FSCB: variants seen among roughly 807,000 people sequenced by gnomAD.
The protein encoded by FSCB is fibrous sheath CABYR-binding protein.
For synonymous variants in FSCB, 331 were observed against 336.6 expected, an observed-to-expected ratio of 0.98 and a Z score of 0.18; for missense variants, 975 against 934.8, an observed-to-expected ratio of 1.04 and a Z score of -0.56.
At position 44,505,966 on chromosome 14, in the gene FSCB, G is replaced by T; in HGVS notation, c.1022C>A (p.Ser341Tyr). The T allele has an allele frequency of 6.2e-7, 1 of 1,613,924 alleles. No homozygotes were observed. Among genetic ancestry groups the T allele is most frequent in the Non-Finnish European group, 8.5e-7 (1 of 1,179,826 alleles). The part of the protein sequence containing the change: ...AEIQPPSAEE[S>Y]PSVELLAEIL... Reference sequence around the variant, plus strand: ...TTCAGCCAGAAGCTCTACAGAAGGAGACTCTTCAGCTGATGGAGGCTGAAT... The same window carrying T: ...TTCAGCCAGAAGCTCTACAGAAGGATACTCTTCAGCTGATGGAGGCTGAAT... Residue 341 changes from serine (S) to tyrosine (Y), a missense_variant, in exon 1 of 1, where the codon TCT becomes TAT. Physicochemically the swap from Ser to Tyr is moderately radical, Grantham distance 144. Transcript: ENST00000340446.
rs374018207 is a variant in FSCB at position 44,506,677 on chromosome 14, G to A, written c.311C>T (p.Ala104Val). The change falls in exon 1 of 1, where the codon GCT becomes GTT. Residue 104 changes from alanine (A) to valine (V), a missense_variant. By Grantham distance (64) the Ala-to-Val change is moderately conservative (BLOSUM62 0). Transcript: ENST00000340446. ...PEEKSADVRE[A>V]AIELPESVQD... ...AACACTCTCTGGCAATTCAATAGCA[G>A]CTTCTCTAACATCAGCTGACTTTTC... 4.1e-5 allele frequency: 66 copies of A among 1,613,986 alleles called. No homozygotes were observed. Among genetic ancestry groups the A allele is most frequent in the South Asian group, 4.1e-4 (37 of 91,082 alleles).
rs1881064289 is a variant in FSCB, at chr14:44,505,867, T to C, written c.1121A>G (p.Lys374Arg). Residue 374 changes from lysine to arginine, a missense_variant, in exon 1 of 1, where the codon AAG becomes AGG. Physicochemically the swap from Lys to Arg is conservative, Grantham distance 26. Transcript: ENST00000340446. ...ACCAAGAAGCTCTACTGAAGGAGAC[T>C]TTTCAGCTGGTGGAGGCAGAATTTC... ...PAEILPPPAE[K>R]SPSVELLGEI... is the part of the protein sequence containing the mutation. 1 of 1,613,966 alleles carries C rather than the reference T, an allele frequency of 6.2e-7. No homozygotes were observed. The highest frequency in any genetic ancestry group is 8.5e-7 in the Non-Finnish European group (1 of 1,179,962).
At position 44,505,218 on chromosome 14, in the gene FSCB, A is replaced by G; in HGVS notation, c.1770T>C (p.Ser590=). 6.2e-7 allele frequency: 1 copy of G among 1,612,942 alleles called. No homozygotes were observed. Among genetic ancestry groups the G allele is most frequent in the Non-Finnish European group, 8.5e-7 (1 of 1,179,840 alleles). The change falls in exon 1 of 1, where the codon TCT becomes TCC. Residue 590 remains serine, a synonymous_variant. Transcript: ENST00000340446. ...SGEETTAEEA[S]AAIQLLAATE... The stretch of plus-strand genomic sequence containing the variant: ...TAGCTGCTAGAAGCTGAATTGCAGC[A>G]GAGGCCTCTTCTGCAGTGGTCTCTT...
In FSCB at chr14:44,504,497, A is replaced by G; in HGVS notation, c.*13T>C. On this transcript the variant is annotated 3_prime_UTR_variant, in exon 1 of 1. Coordinates refer to ENST00000340446, the MANE Select transcript of FSCB (RefSeq NM_032135.4). ...CCATGTAGCTTCTGATTGCTAGCTT[A>G]GGTACAACCTGACTACAGTTCAGGA... The G allele has an allele frequency of 6.4e-7, 1 of 1,558,978 alleles. No individual in the cohort carries two copies. The highest frequency in any genetic ancestry group is 1.2e-5 in the South Asian group (1 of 82,348).
rs1404333084 is a variant in FSCB at position 44,506,708 on chromosome 14, G to A, written c.280C>T (p.Pro94Ser). 1.1e-5 allele frequency: 18 copies of A among 1,614,000 alleles called. No homozygotes were observed. The highest frequency in any genetic ancestry group is 1.5e-5 in the Non-Finnish European group (18 of 1,180,044). Reference protein sequence around the residue: ...EVKLVEETVVPEEKSADVREA... With the variant: ...EVKLVEETVVSEEKSADVREA... ...CTAACATCAGCTGACTTTTCTTCAG[G>A]TACCACGGTTTCCTCAACTAACTTG... Residue 94 changes from proline (P) to serine (S), a missense_variant, in exon 1 of 1, where the codon CCT becomes TCT. Transcript: ENST00000340446.
Position 44,504,583 on chromosome 14 carries a change from T to G in FSCB, c.2405A>C (p.Asp802Ala). The G allele has an allele frequency of 6.2e-7, 1 of 1,614,108 alleles. No homozygotes were observed. Among genetic ancestry groups the G allele is most frequent in the South Asian group, 1.1e-5 (1 of 91,066 alleles). Reference protein sequence around the residue: ...SVLKDLSNTNDGQAPTLEIES... With the variant: ...SVLKDLSNTNAGQAPTLEIES... ...TATTTCAAGAGTGGGAGCCTGTCCA[T>G]CATTGGTATTAGACAAATCTTTAAG... Residue 802 changes from aspartate (D) to alanine (A), a missense_variant, in exon 1 of 1, where the codon GAT becomes GCT. Coordinates refer to ENST00000340446, the MANE Select transcript of FSCB (RefSeq NM_032135.4).
In FSCB at chr14:44,506,721, C is replaced by T; in HGVS notation, c.267G>A (p.Glu89=). Residue 89 remains glutamate (E), a synonymous_variant, in exon 1 of 1, where the codon GAG becomes GAA. Transcript: ENST00000340446. ...VEEKKEVKLV[E]ETVVPEEKSA... is the part of the protein sequence containing the mutation. Reference sequence around the variant, plus strand: ...ACTTTTCTTCAGGTACCACGGTTTCCTCAACTAACTTGACTTCTTTTTTCT... The same window carrying T: ...ACTTTTCTTCAGGTACCACGGTTTCTTCAACTAACTTGACTTCTTTTTTCT... 2 of 1,614,178 alleles carry T rather than the reference C, an allele frequency of 1.2e-6. No homozygotes were observed. The highest frequency in any genetic ancestry group is 1.7e-6 in the Non-Finnish European group (2 of 1,180,038).
rs1566598200 is a variant in FSCB, at chr14:44,505,066, T to C, written c.1922A>G (p.Glu641Gly). 2 of 558,538 alleles carry C rather than the reference T, an allele frequency of 3.6e-6. No individual in the cohort carries two copies. Among genetic ancestry groups the C allele is most frequent in the South Asian group, 4.2e-5 (2 of 47,066 alleles). 34.6% of individuals were successfully genotyped at this position (558,538 alleles called of 1,614,324 possible). A position where few individuals can be genotyped will look rare whatever the true frequency, so the allele number is the denominator to read the frequency against. ...PAEVQPPPAE[E>G]APAEVQPPPA... ...TGGAGGCTGAACTTCAGCGGGGGCC[T>C]CCTCAGCTGGTGGAGGCTGAACTTC... is the stretch of plus-strand genomic sequence containing the variant. The change falls in exon 1 of 1, where the codon GAG becomes GGG. Residue 641 changes from glutamate to glycine, a missense_variant. Physicochemically the swap from Glu to Gly is moderately conservative, Grantham distance 98 (BLOSUM62 -2). Coordinates refer to ENST00000340446, the MANE Select transcript of FSCB (RefSeq NM_032135.4).
Position 44,504,655 on chromosome 14 carries a change from A to C in FSCB, c.2333T>G (p.Leu778Trp), listed in dbSNP as rs758821418. The change falls in exon 1 of 1, where the codon TTG becomes TGG. Residue 778 changes from leucine to tryptophan, a missense_variant. Leu to Trp is a moderately conservative substitution (Grantham distance 61). Coordinates refer to ENST00000340446, the MANE Select transcript of FSCB (RefSeq NM_032135.4). The part of the protein sequence containing the change: ...IPAVKLGSVV[L>W]EGEAKFEEVS... ...CTCTTCAAATTTTGCTTCACCTTCCAAAACAACCGATCCTAATTTTACTGC... is the reference window on the plus strand; with the variant it reads ...CTCTTCAAATTTTGCTTCACCTTCCCAAACAACCGATCCTAATTTTACTGC... 6.2e-7 allele frequency: 1 copy of C among 1,614,190 alleles called. No homozygotes were observed. The highest frequency in any genetic ancestry group is 8.5e-7 in the Non-Finnish European group (1 of 1,180,042).
chr14:44,506,769 G>A lies in FSCB; in HGVS notation c.219C>T (p.Leu73=). 2 of 1,614,030 alleles carry A rather than the reference G, an allele frequency of 1.2e-6. No homozygotes were observed. Among genetic ancestry groups the A allele is most frequent in the Non-Finnish European group, 1.7e-6 (2 of 1,180,002 alleles). The part of the protein sequence containing the change: ...KHGQEMTSKS[L]QTDTIVEEKK... ...TCTCTTCTACAATGGTGTCTGTCTGGAGAGACTTACTAGTCATTTCCTGTC... is the reference window on the plus strand; with the variant it reads ...TCTCTTCTACAATGGTGTCTGTCTGAAGAGACTTACTAGTCATTTCCTGTC... Residue 73 remains leucine (L), a synonymous_variant, in exon 1 of 1, where the codon CTC becomes CTT. Coordinates refer to ENST00000340446, the MANE Select transcript of FSCB (RefSeq NM_032135.4).
Position 44,504,688 on chromosome 14 carries a change from C to A in FSCB, c.2300G>T (p.Gly767Val). ...CGATCCTAATTTTACTGCTGGAATTCCTGCCACCTGCGGTGACTGAAATTC... is the reference window on the plus strand; with the variant it reads ...CGATCCTAATTTTACTGCTGGAATTACTGCCACCTGCGGTGACTGAAATTC... ...STEFQSPQVA[G>V]IPAVKLGSVV... Residue 767 changes from glycine (G) to valine (V), a missense_variant, in exon 1 of 1, where the codon GGA becomes GTA. Transcript: ENST00000340446. 1 of 1,614,132 alleles carries A rather than the reference C, an allele frequency of 6.2e-7. No homozygotes were observed. The highest frequency in any genetic ancestry group is 8.5e-7 in the Non-Finnish European group (1 of 1,180,034).
rs532380844 is a variant in FSCB at position 44,506,483 on chromosome 14, T to C, written c.505A>G (p.Arg169Gly). The C allele has an allele frequency of 5.1e-5, 82 of 1,614,230 alleles. No individual in the cohort carries two copies. Among genetic ancestry groups the C allele is most frequent in the Middle Eastern group, 4.9e-4 (3 of 6,062 alleles). The change falls in exon 1 of 1, where the codon AGG becomes GGG. Residue 169 changes from arginine (R) to glycine (G), a missense_variant. By Grantham distance (125) the Arg-to-Gly change is moderately radical. Transcript: ENST00000340446. ...GACTTTGTAGAAGAACTATCTGGCC[T>C]GGAAATAACCACTATTTCTGATTCA... ...FSESEIVVIS[R>G]PDSSSTKSKE...
chr14:44,506,511 A>G lies in FSCB; in HGVS notation c.477T>C (p.Phe159=), dbSNP rs1224245238. ...AAATAACCACTATTTCTGATTCACT[A>G]AAGTATGTCTGTTGTTCCTTGTCCA... The part of the protein sequence containing the change: ...EKVDKEQQTY[F]SESEIVVISR... The change falls in exon 1 of 1, where the codon TTT becomes TTC. Residue 159 remains phenylalanine (F), a synonymous_variant. Coordinates refer to ENST00000340446, the MANE Select transcript of FSCB (RefSeq NM_032135.4). The G allele has an allele frequency of 1.2e-6, 2 of 1,614,176 alleles. No homozygotes were observed. Among genetic ancestry groups the G allele is most frequent in the South Asian group, 1.1e-5 (1 of 91,084 alleles).
At position 44,507,005 on chromosome 14, in the gene FSCB, T is replaced by C. The variant is rs774252014; in HGVS notation, c.-18A>G. ...CCTACCATTGGTTTGCTGGGTCATCTTCTCTTTCGAATTTCTTGCCTACAC... is the reference window on the plus strand; with the variant it reads ...CCTACCATTGGTTTGCTGGGTCATCCTCTCTTTCGAATTTCTTGCCTACAC... On this transcript the variant is annotated 5_prime_UTR_variant, in exon 1 of 1. Coordinates refer to ENST00000340446, the MANE Select transcript of FSCB (RefSeq NM_032135.4). The C allele has an allele frequency of 1.3e-5, 20 of 1,545,912 alleles. No homozygotes were observed. The highest frequency in any genetic ancestry group is 1.7e-5 in the Non-Finnish European group (20 of 1,143,428).
rs1385348438 is a variant in FSCB at position 44,505,786 on chromosome 14, G to T, written c.1202C>A (p.Ala401Asp). The change falls in exon 1 of 1, where the codon GCT (alanine) becomes GAT (aspartate). Residue 401 changes from alanine to aspartate, a missense_variant. Transcript: ENST00000340446. ...TGGGGCCTCTTCAAGGGCGCCCTCA[G>T]CTGGTAAAGGCTGTACTTCAATGGG... The part of the protein sequence containing the change: ...KAPIEVQPLP[A>D]EGALEEAPAK... 2.5e-6 allele frequency: 4 copies of T among 1,613,918 alleles called. No individual in the cohort carries two copies. The highest frequency in any genetic ancestry group is 3.4e-6 in the Non-Finnish European group (4 of 1,180,002).
chr14:44,504,527 G>T lies in FSCB; in HGVS notation c.2461C>A (p.Arg821Ser), dbSNP rs148995244. The T allele has an allele frequency of 6.2e-7, 1 of 1,608,290 alleles. No homozygotes were observed. The highest frequency in any genetic ancestry group is 1.7e-5 in the Admixed American group (1 of 59,412). The change falls in exon 1 of 1, where the codon CGT becomes AGT. Residue 821 changes from arginine (R) to serine (S), a missense_variant. Coordinates refer to ENST00000340446, the MANE Select transcript of FSCB (RefSeq NM_032135.4). ...ESVFHIELKQ[R>S]PPEL ...CAACCTGACTACAGTTCAGGAGGAC[G>T]TTGTTTTAATTCTATATGAAAAACA... is the stretch of plus-strand genomic sequence containing the variant.
rs201017166 is a variant in FSCB, at chr14:44,504,664, G to A, written c.2324C>T (p.Ser775Leu). 1.3e-4 allele frequency: 204 copies of A among 1,614,046 alleles called. No homozygotes were observed. The African/African-American group carries it at 2.0e-3, about 16-fold the overall frequency. ...TTTTGCTTCACCTTCCAAAACAACC[G>A]ATCCTAATTTTACTGCTGGAATTCC... is the stretch of plus-strand genomic sequence containing the variant. ...VAGIPAVKLG[S>L]VVLEGEAKFE... is the part of the protein sequence containing the mutation. Residue 775 changes from serine to leucine, a missense_variant, in exon 1 of 1, where the codon TCG becomes TTG. Transcript: ENST00000340446.
Position 44,505,254 on chromosome 14 carries a change from A to C in FSCB, c.1734T>G (p.Pro578=). 2 of 1,612,988 alleles carry C rather than the reference A, an allele frequency of 1.2e-6. No homozygotes were observed. The highest frequency in any genetic ancestry group is 1.7e-6 in the Non-Finnish European group (2 of 1,179,820). The part of the protein sequence containing the change: ...SIEEAPLELQ[P]PSGEETTAEE... ...CTGCAGTGGTCTCTTCACCTGATGGAGGCTGAAGCTCAAGAGGGGCCTCTT... is the reference window on the plus strand; with the variant it reads ...CTGCAGTGGTCTCTTCACCTGATGGCGGCTGAAGCTCAAGAGGGGCCTCTT... The change falls in exon 1 of 1, where the codon CCT becomes CCG. Residue 578 remains proline, a synonymous_variant. Transcript: ENST00000340446.
rs577809479 is a variant in FSCB, at chr14:44,504,332, C to T, written c.*178G>A. On this transcript the variant is annotated 3_prime_UTR_variant, in exon 1 of 1. Coordinates refer to ENST00000340446, the MANE Select transcript of FSCB (RefSeq NM_032135.4). ...ATGCCATAAATTTGAATGAAATTAA[C>T]ACAAGTAATTTTATGCTGCTACAGT... 8.8e-6 allele frequency: 4 copies of T among 454,726 alleles called. No homozygotes were observed. Among genetic ancestry groups the T allele is most frequent in the African/African-American group, 4.0e-5 (2 of 49,624 alleles). The allele number at this position is 454,726 out of a possible 1,614,324, so 28.2% of individuals were successfully genotyped here. A position where few individuals can be genotyped will look rare whatever the true frequency, so the allele number is the denominator to read the frequency against.
Sources: allele counts gnomAD v4.1 joint callset, GRCh38; gene constraint gnomAD v4.1.1; transcripts MANE v1.5; gene names NCBI Gene and HGNC (gene_info 2026-07-23, HGNC 2026-07-21).